Variants in ANO4 observed in about 807,000 individuals in gnomAD.
ANO4 encodes the protein anoctamin-4.
Under a neutral mutation model 141.9 loss-of-function variants are expected in ANO4, and 69 were observed. The observed-to-expected ratio is 0.49, with a 90% confidence interval of 0.40 to 0.59. ANO4 has a LOEUF of 0.59. Among genes scored for constraint, ANO4 ranks in the 20% least tolerant of loss-of-function variants. The pLI is 0.00. For missense variants in ANO4, 894 were observed against 1,162.2 expected (o/e 0.77, Z 3.36); for synonymous variants, 350 against 394.3 (o/e 0.89, Z 1.33).
rs1161830434 is a variant in ANO4 at position 101,068,341 on chromosome 12, G to A, written c.1313-10852G>A. 39 of 1,150,692 alleles carry A rather than the reference G, an allele frequency of 3.4e-5. No individual in the cohort carries two copies. The African/African-American group carries it at 4.9e-4, about 15-fold the overall frequency. 71.3% of individuals were successfully genotyped at this position (1,150,692 alleles called of 1,614,324 possible). On this transcript the variant is annotated intron_variant, in intron 14 of 27. Transcript: ENST00000392977. The stretch of plus-strand genomic sequence containing the variant: ...TCAATGGTCCTTGAGAGAAGATGCA[G>A]AAACTGGGAGAAGGTAAAGGGTCTT...
At chr12:100,900,011 T>C (rs1964079) in intron 1 of ANO4, among the ~76,000 whole-genome samples, 113,222 of 152,104 alleles carry the variant, frequency 0.74, 42,901 homozygotes, top group East Asian at 0.89. Context: ...GACATACCTG[T>C]GGCTACTTTT....
At chr12:100,799,897 T>C (rs2034578310) in intron 1 of ANO4, among the ~76,000 whole-genome samples, 1 of 152,110 alleles carries the variant, frequency 6.6e-6, no homozygotes, top group South Asian at 2.1e-4. Flanking sequence ...AGAACCCTGC[T>C]CCATTCCCAG....
At chr12:100,797,807 C>CTA (rs148951272) in intron 1 of ANO4, among the ~76,000 whole-genome samples, 7,729 of 152,156 alleles carry the variant, frequency 0.051, 211 homozygotes, top group Non-Finnish European at 0.067. Context: ...TTCACTTTTG[C>CTA]CATTTTATAT....
At chr12:100,826,740 A>G (rs1386873261) in intron 1 of ANO4, among the ~76,000 whole-genome samples, 1 of 151,784 alleles carries the variant, frequency 6.6e-6, no homozygotes, top group Non-Finnish European at 1.5e-5. Flanking sequence ...TAACCTGGCT[A>G]AAACTGAGCT....
At chr12:100,989,627 A>C (rs932313854) in intron 8 of ANO4, among the ~76,000 whole-genome samples, 2 of 88,486 alleles carry the variant, frequency 2.3e-5, no homozygotes, top group African/African-American at 8.1e-5. Context: ...GGATAGATGG[A>C]TGGATGGATG....
At chr12:101,071,776 G>T (rs1017657427) in intron 14 of ANO4, among the ~76,000 whole-genome samples, 1 of 152,086 alleles carries the variant, frequency 6.6e-6, no homozygotes, top group Non-Finnish European at 1.5e-5. Flanking sequence ...ATAATGCATT[G>T]CATGCCTGTA....
intron 24 of ANO4, among the ~76,000 whole-genome samples, chr12:101,114,309 A>G (rs1389109393): frequency 2.6e-5 from 4 of 152,260 alleles, no homozygotes; most frequent in African/African-American, 9.6e-5. Context: ...AAAAGGTGAA[A>G]GGAATTAGTG....
At chr12:100,736,320 A>G (rs1051039012) in intron 2 of ANO4, among the ~76,000 whole-genome samples, 7 of 152,256 alleles carry the variant, frequency 4.6e-5, no homozygotes, top group Non-Finnish European at 8.8e-5. Flanking sequence ...TGTTCTAACT[A>G]CTTTTTCTGT....
intron 26 of ANO4, among the ~76,000 whole-genome samples, chr12:101,122,151 A>AT (rs1396861009): frequency 1.3e-5 from 2 of 151,998 alleles, no homozygotes; most frequent in African/African-American, 4.8e-5. Flanking sequence ...GATTCTGAGC[A>AT]TTTTTTCATA....
In ANO4 at chr12:100,942,548, C is replaced by T; in HGVS notation, c.456+13C>T. Reference sequence around the variant, plus strand: ...AATGGAGAAAGAGGTAAATAGTTTGCTTGGATGAGAAAAAAATATATACAT... The same window carrying T: ...AATGGAGAAAGAGGTAAATAGTTTGTTTGGATGAGAAAAAAATATATACAT... On this transcript the variant is annotated intron_variant, in intron 5 of 27. Transcript: ENST00000392977. 1 of 1,607,590 alleles carries T rather than the reference C, an allele frequency of 6.2e-7. No individual in the cohort carries two copies. Among genetic ancestry groups the T allele is most frequent in the Admixed American group, 1.7e-5 (1 of 58,526 alleles).
intron 3 of ANO4, among the ~76,000 whole-genome samples, chr12:100,778,163 C>T (rs1458534684): frequency 1.3e-5 from 2 of 152,232 alleles, no homozygotes; most frequent in Admixed American, 1.3e-4. Flanking sequence ...TCGTGATCCG[C>T]CTGCCTCGGC....
intron 9 of ANO4, among the ~76,000 whole-genome samples, chr12:101,036,448 A>G (rs1202466458): frequency 2.6e-5 from 4 of 152,216 alleles, no homozygotes; most frequent in African/African-American, 9.7e-5. Flanking sequence ...AAACAACCCA[A>G]GTGTCCCCTG....
intron 1 of ANO4, among the ~76,000 whole-genome samples, chr12:100,801,310 A>G (rs10778078): frequency 0.74 from 112,382 of 151,992 alleles, 41,974 homozygotes; most frequent in East Asian, 0.94. Context: ...TTTTCAAACC[A>G]ATGTGACTAT....
At chr12:100,859,649 G>A (rs2038369393) in intron 1 of ANO4, among the ~76,000 whole-genome samples, 1 of 152,160 alleles carries the variant, frequency 6.6e-6, no homozygotes, top group Admixed American at 6.6e-5. Flanking sequence ...TATTTTGTTT[G>A]CATCCATATA....
At chr12:100,839,172 G>T (rs985493096) in intron 1 of ANO4, among the ~76,000 whole-genome samples, 1 of 152,084 alleles carries the variant, frequency 6.6e-6, no homozygotes, top group African/African-American at 2.4e-5. Context: ...TGCTGGCCAG[G>T]CCGTAATTGT....
chr12:100,894,271 G>C (rs2040233615), intron 1 of ANO4, among the ~76,000 whole-genome samples: 1 of 152,086 alleles, frequency 6.6e-6, no homozygotes, highest in Non-Finnish European at 1.5e-5. Flanking sequence ...AGGCATGACA[G>C]GGCCAAGGAC....
intron 3 of ANO4, among the ~76,000 whole-genome samples, chr12:100,924,687 T>C (rs773001045): frequency 6.6e-6 from 1 of 152,116 alleles, no homozygotes; most frequent in African/African-American, 2.4e-5. Flanking sequence ...TAAAATTATG[T>C]AATTACTTCA....
At chr12:100,912,024 A>G (rs1250447656) in intron 2 of ANO4, among the ~76,000 whole-genome samples, 1 of 152,114 alleles carries the variant, frequency 6.6e-6, no homozygotes. Context: ...CTATTTTACT[A>G]TGGCATAGGA....
chr12:100,911,375 C>G (rs1412351287), intron 2 of ANO4, among the ~76,000 whole-genome samples: 1 of 152,124 alleles, frequency 6.6e-6, no homozygotes, highest in Non-Finnish European at 1.5e-5. Context: ...AGCAAATTAT[C>G]ATAAAAAAGC....
Sources: allele counts gnomAD v4.1 joint callset (sites outside exome capture counted in the v4.1 genomes callset), GRCh38; gene constraint gnomAD v4.1.1; transcripts MANE v1.5; gene names NCBI Gene and HGNC (gene_info 2026-07-23, HGNC 2026-07-21).